Variants in LCMT1 observed in about 807,000 individuals in gnomAD.
The protein encoded by LCMT1 is leucine carboxyl methyltransferase 1.
A neutral mutation model predicts 47.7 loss-of-function variants in LCMT1; 32 were observed. That is an observed-to-expected ratio of 0.67 (90% CI 0.51 to 0.90). The LOEUF (loss-of-function observed/expected upper bound fraction) is 0.90. Ranked by LOEUF, LCMT1 falls within the 40% of genes least tolerant of loss-of-function variation. The probability of loss-of-function intolerance (pLI) is 0.00; values close to 1 mark genes in which losing one functional copy is unlikely to be tolerated. For missense variants in LCMT1, 375 were observed against 415.2 expected (o/e 0.90, Z 0.84); for synonymous variants, 152 against 149.7 (o/e 1.02, Z -0.11).
chr16:25,131,436 C>T (rs1489983315), intron 2 of LCMT1, among the ~76,000 whole-genome samples: 5 of 152,100 alleles, frequency 3.3e-5, no homozygotes, highest in African/African-American at 1.2e-4. Context: ...CAATCCATCG[C>T]GGATGATATC....
chr16:25,146,341 A>G (rs1000523348), intron 4 of LCMT1: 3 of 152,524 alleles, frequency 2.0e-5, no homozygotes, highest in Admixed American at 2.0e-4. Flanking sequence ...GTGTGTATCA[A>G]TCTCATCTGA....
At chr16:25,159,738 G>GTAA (rs1961364000) in intron 5 of LCMT1, among the ~76,000 whole-genome samples, 1 of 152,082 alleles carries the variant, frequency 6.6e-6, no homozygotes, top group South Asian at 2.1e-4. Context: ...GAGTTATCAA[G>GTAA]ATGATAAATG....
chr16:25,171,415 A>AAAAC (rs934518183), intron 9 of LCMT1, among the ~76,000 whole-genome samples: 18 of 152,080 alleles, frequency 1.2e-4, no homozygotes, highest in East Asian at 3.9e-4. Context: ...GCTTCTCAAA[A>AAAAC]AAACAAACAA....
Position 25,140,259 on chromosome 16 carries a change from A to G in LCMT1, c.404+12A>G, listed in dbSNP as rs746735296. On this transcript the variant is annotated intron_variant, in intron 4 of 10. Coordinates refer to ENST00000399069, the MANE Select transcript of LCMT1 (RefSeq NM_016309.3). ...CTGCACAGTATCAAGTAAGTGTGGCATGGCCAGAAGAACAAAAGCCAGCGA... is the reference window on the plus strand; with the variant it reads ...CTGCACAGTATCAAGTAAGTGTGGCGTGGCCAGAAGAACAAAAGCCAGCGA... The G allele has an allele frequency of 3.2e-6, 5 of 1,578,300 alleles. No homozygotes were observed. Among genetic ancestry groups the G allele is most frequent in the Non-Finnish European group, 4.3e-6 (5 of 1,157,586 alleles).
intron 10 of LCMT1, among the ~76,000 whole-genome samples, chr16:25,175,469 CAA>C (rs35504714): frequency 1.5e-5 from 2 of 134,940 alleles, no homozygotes; most frequent in Non-Finnish European, 3.2e-5. Context: ...ACTAAAAATA[CAA>C]AAAAAAAAAA....
intron 4 of LCMT1, 94 bp downstream of exon 4, chr16:25,140,341 A>G: frequency 1.0e-6 from 1 of 981,914 alleles, no homozygotes; most frequent in South Asian, 1.4e-5. Context: ...ACTTCACTTT[A>G]GGGTGTTGCC....
intron 9 of LCMT1, among the ~76,000 whole-genome samples, chr16:25,173,110 T>C (rs1016795974): frequency 6.6e-6 from 1 of 152,180 alleles, no homozygotes; most frequent in Non-Finnish European, 1.5e-5. Context: ...CCGGAAACTG[T>C]AGAGTATAAT....
In LCMT1 at chr16:25,161,133, C is replaced by T. The variant is rs766971509; in HGVS notation, c.498C>T (p.Ala166=). The change falls in exon 6 of 11, where the codon GCC becomes GCT. Residue 166 remains alanine (A), a synonymous_variant. Transcript: ENST00000399069. ...DGHILDSKRY[A]VIGADLRDLS... is the part of the protein sequence containing the mutation. Reference sequence around the variant, plus strand: ...ACATACTGGATTCAAAGAGATATGCCGTTATTGGAGCAGATCTCCGAGACC... The same window carrying T: ...ACATACTGGATTCAAAGAGATATGCTGTTATTGGAGCAGATCTCCGAGACC... 1.2e-5 allele frequency: 20 copies of T among 1,609,730 alleles called. No individual in the cohort carries two copies. The highest frequency in any genetic ancestry group is 1.0e-4 in the Admixed American group (6 of 59,740).
At chr16:25,166,320 G>A (rs1330142273) in intron 7 of LCMT1, among the ~76,000 whole-genome samples, 1 of 150,750 alleles carries the variant, frequency 6.6e-6, no homozygotes, top group Non-Finnish European at 1.5e-5. Context: ...AGATTATTAT[G>A]GGGATTCCTG....
At chr16:25,170,219 CA>C (rs917897985) in intron 8 of LCMT1, among the ~76,000 whole-genome samples, 44 of 150,284 alleles carry the variant, frequency 2.9e-4, no homozygotes, top group African/African-American at 9.3e-4. Flanking sequence ...GCCTCCGTCT[CA>C]AAAAAAAATT....
intron 4 of LCMT1, chr16:25,141,864 A>C (rs1026523293): frequency 1.3e-5 from 2 of 152,222 alleles, no homozygotes; most frequent in African/African-American, 4.8e-5. Flanking sequence ...CCAGTGTTTC[A>C]AGGGTTTGAA....
At position 25,156,665 on chromosome 16, in the gene LCMT1, C is replaced by T. The variant is rs116334108; in HGVS notation, c.467-4437C>T. 2.9e-3 allele frequency among the ~76,000 whole-genome samples: 441 copies of T among 152,258 alleles called. 3 individuals are homozygous for T. The highest frequency in any genetic ancestry group is 0.014 in the Middle Eastern group (4 of 294). On this transcript the variant is annotated intron_variant, in intron 5 of 10. Transcript: ENST00000399069. Reference sequence around the variant, plus strand: ...TCAAGATTGAGAAAGATCATAAAGCCGGCTGAGAATTTTGGACTCCATTCT... The same window carrying T: ...TCAAGATTGAGAAAGATCATAAAGCTGGCTGAGAATTTTGGACTCCATTCT...
chr16:25,117,041 C>G (rs1959811872), intron 1 of LCMT1, among the ~76,000 whole-genome samples: 1 of 152,136 alleles, frequency 6.6e-6, no homozygotes, highest in South Asian at 2.1e-4. Flanking sequence ...ATTTAGAAAG[C>G]TGCTCAGGCA....
At chr16:25,148,020 G>T (rs1010224664) in intron 4 of LCMT1, 1 of 152,220 alleles carries the variant, frequency 6.6e-6, no homozygotes, top group African/African-American at 2.4e-5. Flanking sequence ...TAGCCCCTGT[G>T]TCTGCTTGTC....
At chr16:25,147,248 C>T (rs933670905) in intron 4 of LCMT1, 1 of 152,280 alleles carries the variant, frequency 6.6e-6, no homozygotes, top group Non-Finnish European at 1.5e-5. Flanking sequence ...GTCACTCCCC[C>T]GTTTCCATCC....
chr16:25,141,204 A>G (rs577598428), intron 4 of LCMT1: 1 of 152,372 alleles, frequency 6.6e-6, no homozygotes, highest in African/African-American at 2.4e-5. Context: ...GCCAAAAGTA[A>G]TAGCAATTAA....
chr16:25,127,794 C>A (rs1049111450), intron 1 of LCMT1, among the ~76,000 whole-genome samples: 6 of 152,202 alleles, frequency 3.9e-5, no homozygotes, highest in African/African-American at 1.4e-4. Flanking sequence ...GATCCCGCTT[C>A]TTTTCATGAG....
Position 25,152,637 on chromosome 16 carries a change from C to T in LCMT1, c.466+1022C>T, listed in dbSNP as rs73565004. Among the ~76,000 whole-genome samples, 1,336 of 152,190 alleles carry T rather than the reference C, an allele frequency of 8.8e-3. 19 individuals carry two copies. Among genetic ancestry groups the T allele is most frequent in the African/African-American group, 0.031 (1,271 of 41,492 alleles). On this transcript the variant is annotated intron_variant, in intron 5 of 10. Coordinates refer to ENST00000399069, the MANE Select transcript of LCMT1 (RefSeq NM_016309.3). ...GCTTTTCTTGGAAAAAACTAGAAGA[C>T]GTGGTAACATTAGGCCATGTAATAT... is the stretch of plus-strand genomic sequence containing the variant.
chr16:25,123,600 CTTTTTTT>C (rs1173228613), intron 1 of LCMT1, among the ~76,000 whole-genome samples: 18 of 63,506 alleles, frequency 2.8e-4, no homozygotes, highest in African/African-American at 8.7e-4. Flanking sequence ...AAATTGCTTT[CTTTTTTT>C]TTTTTTTTTT....
Sources: allele counts gnomAD v4.1 joint callset (sites outside exome capture counted in the v4.1 genomes callset), GRCh38; gene constraint gnomAD v4.1.1; transcripts MANE v1.5; gene names NCBI Gene and HGNC (gene_info 2026-07-23, HGNC 2026-07-21).